Variants in SP100 observed in about 807,000 individuals in gnomAD.
SP100 encodes the protein nuclear autoantigen Sp-100.
In SP100, 84 loss-of-function variants were observed where a neutral mutation model predicts 130.0. That is an observed-to-expected ratio of 0.65 (90% confidence interval 0.54 to 0.77). SP100 has a LOEUF of 0.77. Among genes scored for constraint, SP100 ranks in the 30% least tolerant of loss-of-function variants. SP100 has a pLI of 0.00. For missense variants in SP100, 978 were observed against 1,052.2 expected (o/e 0.93, Z 0.97); for synonymous variants, 331 against 351.7 (o/e 0.94, Z 0.66).
chr2:230,470,190 A>G, intron 15 of SP100, 92 bp downstream of exon 15: 1 of 1,499,378 alleles, frequency 6.7e-7, no homozygotes, highest in Non-Finnish European at 8.9e-7. Context: ...TATTCTGAGC[A>G]CCTTCACTAC....
At chr2:230,463,905 A>G in intron 10 of SP100, 162 bp from the exon 11 acceptor site, 1 of 543,956 alleles carries the variant, frequency 1.8e-6, no homozygotes, top group Non-Finnish European at 3.4e-6. Context: ...ACTAACCCAC[A>G]ATGAAGGTTA....
intron 21 of SP100, among the ~76,000 whole-genome samples, chr2:230,505,792 C>CA (rs1163944202): frequency 6.6e-6 from 1 of 152,104 alleles, no homozygotes; most frequent in Non-Finnish European, 1.5e-5. Flanking sequence ...GCCATGAGTT[C>CA]AAAATATGAA....
intron 2 of SP100, among the ~76,000 whole-genome samples, chr2:230,426,263 C>T (rs1359659524): frequency 6.6e-6 from 1 of 152,102 alleles, no homozygotes; most frequent in Admixed American, 6.5e-5. Flanking sequence ...CTCTAATCTA[C>T]ATTATTTTCT....
intron 2 of SP100, among the ~76,000 whole-genome samples, chr2:230,421,324 C>G (rs112567220): frequency 5.9e-5 from 9 of 152,060 alleles, no homozygotes; most frequent in Non-Finnish European, 1.2e-4. Flanking sequence ...TTATCCATTC[C>G]CCTGATTCCA....
chr2:230,527,175 G>A (rs1207292103), intron 24 of SP100, among the ~76,000 whole-genome samples: 1 of 152,302 alleles, frequency 6.6e-6, no homozygotes, highest in South Asian at 2.1e-4. Context: ...CAGCCAGAGA[G>A]AAAGGTCGGG....
chr2:230,473,466 T>C lies in SP100; in HGVS notation c.1546+26T>C, dbSNP rs747366115. 4.3e-6 allele frequency: 6 copies of C among 1,392,988 alleles called. No individual in the cohort carries two copies. In the East Asian group the frequency reaches 6.8e-5, roughly 16 times the overall value. 86.3% of individuals were successfully genotyped at this position (1,392,988 alleles called of 1,614,324 possible). On this transcript the variant is annotated intron_variant, in intron 16 of 28. Coordinates refer to ENST00000340126, the MANE Select transcript of SP100 (RefSeq NM_001080391.2). ...GTAAGGCTACCCTAGGGTCTTGGGA[T>C]GGAAGTGGCTCAGTGGATATCACAG...
Position 230,467,162 on chromosome 2 carries a change from A to T in SP100, c.1238A>T (p.Glu413Val). 6.2e-7 allele frequency: 1 copy of T among 1,613,914 alleles called. No individual in the cohort carries two copies. Among genetic ancestry groups the T allele is most frequent in the African/African-American group, 1.3e-5 (1 of 75,018 alleles). Residue 413 changes from glutamate to valine, a missense_variant, in exon 13 of 29, where the codon GAG becomes GTG. Coordinates refer to ENST00000340126, the MANE Select transcript of SP100 (RefSeq NM_001080391.2). The stretch of plus-strand genomic sequence containing the variant: ...GACTTTTCAGAATCCAGTGAGGAGG[A>T]GGCGCCCGCAGAAGCCTCGAGCGGG... Reference protein sequence around the residue: ...DHDFSESSEEEAPAEASSGAL... With the variant: ...DHDFSESSEEVAPAEASSGAL...
At chr2:230,458,156 T>C (rs1441277993) in intron 8 of SP100, among the ~76,000 whole-genome samples, 1 of 152,340 alleles carries the variant, frequency 6.6e-6, no homozygotes, top group East Asian at 1.9e-4. Flanking sequence ...CACATAACTT[T>C]TACATTCCCC....
At chr2:230,506,476 GAT>G (rs751071921) in intron 22 of SP100, 31 bp downstream of exon 22, 1 of 1,609,358 alleles carries the variant, frequency 6.2e-7, no homozygotes, top group Non-Finnish European at 8.5e-7. Context: ...TGAAACCAAG[GAT>G]TTAGCTGTCA....
In SP100 at chr2:230,473,400, A is replaced by AGAAGCCAG. The variant is rs1348065010; in HGVS notation, c.1511_1512insCAGGAAGC (p.Thr506LysfsTer12). The AGAAGCCAG allele has an allele frequency of 1.9e-6, 3 of 1,613,958 alleles. No individual in the cohort carries two copies. Among genetic ancestry groups the AGAAGCCAG allele is most frequent in the Non-Finnish European group, 2.5e-6 (3 of 1,179,810 alleles). ...TTCCAAAAGGTGTGCCAAGAAGCCA[A>AGAAGCCAG]GAAGCAAGGACTGAAAGTAGTCAAG... On this transcript the variant is annotated frameshift_variant, in exon 16 of 29. Coordinates refer to ENST00000340126, the MANE Select transcript of SP100 (RefSeq NM_001080391.2). LOFTEE classifies it high-confidence loss of function.
intron 24 of SP100, among the ~76,000 whole-genome samples, chr2:230,536,462 T>A (rs1006583918): frequency 7.9e-5 from 12 of 152,184 alleles, no homozygotes; most frequent in African/African-American, 2.9e-4. Flanking sequence ...ATTTGTCTTA[T>A]CTGAGTTCTT....
intron 8 of SP100, among the ~76,000 whole-genome samples, chr2:230,455,221 CT>C (rs2064212854): frequency 6.6e-6 from 1 of 152,084 alleles, no homozygotes; most frequent in Non-Finnish European, 1.5e-5. Flanking sequence ...ACCATCACAT[CT>C]GACTAATTTT....
intron 24 of SP100, chr2:230,516,114 A>G (rs1690903988): frequency 1.1e-5 from 11 of 977,334 alleles, no homozygotes; most frequent in Non-Finnish European, 1.3e-5. Flanking sequence ...AACTGTGTAG[A>G]CAAGGTACCA....
At chr2:230,436,400 A>T (rs2063268294) in intron 2 of SP100, among the ~76,000 whole-genome samples, 1 of 152,074 alleles carries the variant, frequency 6.6e-6, no homozygotes, top group African/African-American at 2.4e-5. Context: ...GAGAGACCAG[A>T]TGGAGGTAAT....
intron 23 of SP100, chr2:230,508,311 C>CTTTT (rs10636838): frequency 0.43 from 63,362 of 146,904 alleles, 15,092 homozygotes; most frequent in African/African-American, 0.48. Flanking sequence ...AAATGCCATA[C>CTTTT]TTTTTTTTTT....
At chr2:230,513,704 C>A (rs1382826049) in intron 24 of SP100, among the ~76,000 whole-genome samples, 1 of 152,198 alleles carries the variant, frequency 6.6e-6, no homozygotes, top group African/African-American at 2.4e-5. Context: ...GGTCATGACA[C>A]ACAGCTACCT....
At chr2:230,513,638 T>TG (rs1039705469) in intron 24 of SP100, among the ~76,000 whole-genome samples, 2 of 152,010 alleles carry the variant, frequency 1.3e-5, no homozygotes, top group Non-Finnish European at 2.9e-5. Flanking sequence ...TGTCCCTCGG[T>TG]GGGGGAAAAA....
In SP100 at chr2:230,492,362, G is replaced by A. The variant is rs922458291; in HGVS notation, c.1601-2054G>A. On this transcript the variant is annotated intron_variant, in intron 17 of 28. Transcript: ENST00000340126. ...CTCACTCTGTCACCCAGGCTAGAGG[G>A]CAGTGGTGCAATATTAGCTGCAACC... is the stretch of plus-strand genomic sequence containing the variant. Among the ~76,000 whole-genome samples the A allele has an allele frequency of 1.5e-3, 228 of 152,116 alleles. 4 individuals carry two copies. The highest frequency in any genetic ancestry group is 5.7e-4 in the Non-Finnish European group (39 of 68,022).
In SP100 at chr2:230,498,550, ATACATTTT is replaced by A; in HGVS notation, c.1720+16_1720+23del. 6.7e-6 allele frequency: 7 copies of A among 1,044,446 alleles called. No homozygotes were observed. The highest frequency in any genetic ancestry group is 9.3e-6 in the Non-Finnish European group (7 of 753,648). 64.7% of individuals were successfully genotyped at this position (1,044,446 alleles called of 1,614,324 possible). A position where few individuals can be genotyped will look rare whatever the true frequency, so the allele number is the denominator to read the frequency against. On this transcript the variant is annotated intron_variant, in intron 19 of 28. Transcript: ENST00000340126. The stretch of plus-strand genomic sequence containing the variant: ...GCAACAAAGAGGTAAAAAAAAAAAA[ATACATTTT>A]AAATAAATAACGTCTAAATTCTCAT...
Sources: allele counts gnomAD v4.1 joint callset (sites outside exome capture counted in the v4.1 genomes callset), GRCh38; gene constraint gnomAD v4.1.1; transcripts MANE v1.5; gene names NCBI Gene and HGNC (gene_info 2026-07-23, HGNC 2026-07-21).